GSG1L: variants seen among roughly 807,000 people sequenced by gnomAD.
GSG1L encodes the protein germ cell-specific gene 1-like protein.
In GSG1L, 24 loss-of-function variants were observed where a neutral mutation model predicts 42.1. The observed-to-expected ratio is 0.57, with a 90% CI of 0.41 to 0.80. GSG1L has a LOEUF of 0.80. Among genes scored for constraint, GSG1L ranks in the 30% least tolerant of loss-of-function variants. GSG1L has a pLI of 0.00. For missense variants in GSG1L, 445 were observed against 472.2 expected, an observed-to-expected ratio of 0.94 and a Z score of 0.53; for synonymous variants, 215 against 203.5, an observed-to-expected ratio of 1.06 and a Z score of -0.48.
chr16:27,804,541 G>A (rs4787986), intron 6 of GSG1L, among the ~76,000 whole-genome samples: 40,402 of 150,632 alleles, frequency 0.27, 6,081 homozygotes, highest in African/African-American at 0.41. Flanking sequence ...GGCAGGGGCC[G>A]TTGTCTTGCC....
intron 3 of GSG1L, among the ~76,000 whole-genome samples, chr16:27,861,805 G>T (rs534338279): frequency 6.6e-6 from 1 of 152,124 alleles, no homozygotes; most frequent in African/African-American, 2.4e-5. Flanking sequence ...CTTGTTATTT[G>T]TTACTATCTC....
At chr16:28,061,550 C>T (rs1463764842) in intron 1 of GSG1L, among the ~76,000 whole-genome samples, 1 of 152,146 alleles carries the variant, frequency 6.6e-6, no homozygotes, top group East Asian at 1.9e-4. Context: ...CCAGTATGCA[C>T]CCGGCAAATG....
chr16:27,978,747 G>T (rs1234149180), intron 1 of GSG1L, among the ~76,000 whole-genome samples: 1 of 151,550 alleles, frequency 6.6e-6, no homozygotes, highest in African/African-American at 2.4e-5. Context: ...TGTGGGACTG[G>T]GAGTAAATAA....
At chr16:27,834,336 T>C (rs2083301154) in intron 4 of GSG1L, among the ~76,000 whole-genome samples, 1 of 152,172 alleles carries the variant, frequency 6.6e-6, no homozygotes, top group African/African-American at 2.4e-5. Context: ...TGCTGACTTC[T>C]ATGTGCTATT....
chr16:27,865,584 TACATACATACACAC>T (rs1685199026), intron 3 of GSG1L, among the ~76,000 whole-genome samples: 1 of 107,622 alleles, frequency 9.3e-6, no homozygotes, highest in African/African-American at 3.3e-5. Context: ...CACACACACA[TACATACATACACAC>T]ACATATATAT....
intron 1 of GSG1L, among the ~76,000 whole-genome samples, chr16:27,992,002 T>C (rs953580769): frequency 6.6e-6 from 1 of 152,140 alleles, no homozygotes; most frequent in African/African-American, 2.4e-5. Flanking sequence ...GCCTGTTGCA[T>C]GGCAAGAGCG....
intron 6 of GSG1L, among the ~76,000 whole-genome samples, chr16:27,801,459 TTCCTCCTGCCG>T (rs1419594745): frequency 1.3e-5 from 2 of 152,172 alleles, no homozygotes; most frequent in Non-Finnish European, 2.9e-5. Flanking sequence ...GCCTCCCCCG[TTCCTCCTGCCG>T]GCAAGTCAGC....
intron 2 of GSG1L, among the ~76,000 whole-genome samples, chr16:27,954,284 G>GA (rs1376059427): frequency 1.3e-5 from 2 of 151,704 alleles, no homozygotes; most frequent in Admixed American, 6.6e-5. Flanking sequence ...GATAACAATA[G>GA]AAAAAAAAGA....
chr16:27,877,093 G>A (rs573963141), intron 3 of GSG1L, among the ~76,000 whole-genome samples: 8 of 152,220 alleles, frequency 5.3e-5, no homozygotes, highest in South Asian at 2.1e-4. Context: ...TGCCCAGCCC[G>A]CTCACAACCC....
chr16:28,049,720 T>G (rs1390679389), intron 1 of GSG1L, among the ~76,000 whole-genome samples: 1 of 150,370 alleles, frequency 6.7e-6, no homozygotes, highest in African/African-American at 2.4e-5. Flanking sequence ...AGTGGAAGAC[T>G]AAAGTGATCA....
intron 6 of GSG1L, among the ~76,000 whole-genome samples, chr16:27,794,464 A>G (rs976648591): frequency 2.0e-5 from 3 of 151,620 alleles, no homozygotes; most frequent in African/African-American, 4.9e-5. Context: ...CTAAGTAGCT[A>G]GGACTACAGG....
intron 5 of GSG1L, among the ~76,000 whole-genome samples, chr16:27,808,575 C>A (rs540819925): frequency 6.6e-6 from 1 of 152,064 alleles, no homozygotes; most frequent in Non-Finnish European, 1.5e-5. Flanking sequence ...CCTGCCACTG[C>A]GCCCAGCTAA....
intron 1 of GSG1L, among the ~76,000 whole-genome samples, chr16:27,969,553 A>G (rs1450953021): frequency 2.6e-5 from 4 of 152,248 alleles, no homozygotes; most frequent in Non-Finnish European, 5.9e-5. Flanking sequence ...TTTGTAGCCT[A>G]TGTTATTTAT....
intron 5 of GSG1L, among the ~76,000 whole-genome samples, chr16:27,823,517 G>T (rs372228391): frequency 4.6e-5 from 7 of 152,056 alleles, no homozygotes; most frequent in Non-Finnish European, 7.4e-5. Flanking sequence ...ATCAGCCCCC[G>T]CAGGGCACTA....
At chr16:27,836,487 A>G (rs2083321803) in intron 4 of GSG1L, among the ~76,000 whole-genome samples, 1 of 151,982 alleles carries the variant, frequency 6.6e-6, no homozygotes, top group African/African-American at 2.4e-5. Context: ...CTGGGACTCC[A>G]GTGTTATATT....
Position 27,930,099 on chromosome 16 carries a change from G to C in GSG1L, c.397+33057C>G, listed in dbSNP as rs141900472. 5.8e-4 allele frequency among the ~76,000 whole-genome samples: 88 copies of C among 152,068 alleles called. 1 individual carries two copies. The highest frequency in any genetic ancestry group is 2.0e-3 in the African/African-American group (84 of 41,476). ...GCACTTACATGCCTCTGGGGTTGAA[G>C]GGCCTCCTCAAATTTTGCATTCTAG... On this transcript the variant is annotated intron_variant, in intron 2 of 6. Transcript: ENST00000447459.
intron 2 of GSG1L, among the ~76,000 whole-genome samples, chr16:27,922,176 C>T (rs2084532036): frequency 6.6e-6 from 1 of 152,010 alleles, no homozygotes; most frequent in Non-Finnish European, 1.5e-5. Flanking sequence ...TTTCTCTCTC[C>T]TCTACACTAC....
chr16:27,820,402 C>T (rs1052281377), intron 5 of GSG1L, among the ~76,000 whole-genome samples: 5 of 151,860 alleles, frequency 3.3e-5, no homozygotes, highest in South Asian at 2.1e-4. Context: ...AGGTGGGTGC[C>T]GTGCCAGGCT....
intron 1 of GSG1L, among the ~76,000 whole-genome samples, chr16:28,048,867 T>C (rs2086193128): frequency 6.6e-6 from 1 of 151,772 alleles, no homozygotes; most frequent in African/African-American, 2.4e-5. Flanking sequence ...CTAGGATGTA[T>C]CAGAAAATTA....
Sources: gnomAD v4.1 joint callset for allele counts (sites outside exome capture counted in the v4.1 genomes callset) on GRCh38, gnomAD v4.1.1 for gene constraint, MANE v1.5 for transcripts, NCBI Gene and HGNC (gene_info 2026-07-23, HGNC 2026-07-21) for gene names.